FER: variants seen among roughly 807,000 people sequenced by gnomAD.
FER encodes the protein tyrosine-protein kinase Fer.
FER carries 63 observed loss-of-function variants against 111.0 expected under a neutral mutation model. The observed-to-expected ratio is 0.57, with a 90% CI of 0.46 to 0.70. The LOEUF (loss-of-function observed/expected upper bound fraction) is 0.70. FER is among the 30% of genes least tolerant of loss of function. The pLI is 0.00. For missense variants in FER, 914 were observed against 954.0 expected (o/e 0.96, Z 0.55); for synonymous variants, 327 against 313.9 (o/e 1.04, Z -0.44).
intron 2 of FER, among the ~76,000 whole-genome samples, chr5:108,796,411 T>A (rs1352742662): frequency 1.3e-5 from 2 of 152,224 alleles, no homozygotes; most frequent in African/African-American, 4.8e-5. Flanking sequence ...ACCTGAGCTT[T>A]ATAATCAGCA....
chr5:108,802,582 G>A (rs1338083474), intron 3 of FER, among the ~76,000 whole-genome samples: 2 of 151,288 alleles, frequency 1.3e-5, no homozygotes, highest in African/African-American at 4.9e-5. Context: ...ATGTTTAGCT[G>A]CCACTTATAA....
chr5:109,159,703 A>C (rs1755794117), intron 17 of FER, among the ~76,000 whole-genome samples: 1 of 152,176 alleles, frequency 6.6e-6, no homozygotes, highest in Non-Finnish European at 1.5e-5. Flanking sequence ...GATAGGTGCC[A>C]AAAGGAAGTA....
At chr5:108,907,544 C>T (rs1399197790) in intron 10 of FER, among the ~76,000 whole-genome samples, 4 of 151,794 alleles carry the variant, frequency 2.6e-5, no homozygotes, top group Admixed American at 6.6e-5. Context: ...CCACCCGCCT[C>T]GGCCTCCCAA....
intron 9 of FER, among the ~76,000 whole-genome samples, chr5:108,896,694 TATAA>T (rs1248428141): frequency 2.6e-5 from 4 of 152,202 alleles, no homozygotes; most frequent in African/African-American, 9.6e-5. Flanking sequence ...GCATCATATA[TATAA>T]ATAAATCTCT....
chr5:109,067,528 C>G (rs1581884143), intron 16 of FER, among the ~76,000 whole-genome samples: 1 of 151,486 alleles, frequency 6.6e-6, no homozygotes, highest in African/African-American at 2.4e-5. Context: ...CTGTTCTGCC[C>G]TCTTTATTTT....
intron 2 of FER, among the ~76,000 whole-genome samples, chr5:108,792,484 T>C (rs1258696691): frequency 1.3e-5 from 2 of 151,962 alleles, no homozygotes. Flanking sequence ...ATTACAGGCA[T>C]GCGCCACCAC....
chr5:108,783,428 C>A (rs1344177049), intron 2 of FER, among the ~76,000 whole-genome samples: 1 of 152,148 alleles, frequency 6.6e-6, no homozygotes, highest in Non-Finnish European at 1.5e-5. Context: ...CAGATAATTT[C>A]AACATCTGAT....
intron 16 of FER, among the ~76,000 whole-genome samples, chr5:109,090,618 T>A (rs1298669429): frequency 6.6e-6 from 1 of 151,912 alleles, no homozygotes; most frequent in African/African-American, 2.4e-5. Flanking sequence ...ATGAACAAAA[T>A]GAGAATACTC....
At chr5:108,829,185 A>T (rs1008572408) in intron 3 of FER, among the ~76,000 whole-genome samples, 1 of 152,158 alleles carries the variant, frequency 6.6e-6, no homozygotes, top group African/African-American at 2.4e-5. Context: ...ATATCATCCA[A>T]AGATCTTTTT....
intron 2 of FER, among the ~76,000 whole-genome samples, chr5:108,781,843 G>T (rs986563854): frequency 2.5e-4 from 38 of 152,144 alleles, no homozygotes; most frequent in Middle Eastern, 3.4e-3. Context: ...CTGAAGGAAA[G>T]ACCTTATTAA....
Position 109,047,213 on chromosome 5 carries a change from G to T in FER, c.1924+15G>T, listed in dbSNP as rs370315559. 73 of 1,464,098 alleles carry T rather than the reference G, an allele frequency of 5.0e-5. 1 individual carries two copies. In the African/African-American group the frequency reaches 7.2e-4, roughly 14 times the overall value. 90.7% of individuals were successfully genotyped at this position (1,464,098 alleles called of 1,614,324 possible). A position where few individuals can be genotyped will look rare whatever the true frequency, so the allele number is the denominator to read the frequency against. ...ACTGGTTTCAGGTAATGTGATCTGA[G>T]AATTTTTGCATGATGACATTTTAAT... is the stretch of plus-strand genomic sequence containing the variant. On this transcript the variant is annotated intron_variant, in intron 16 of 19. Transcript: ENST00000281092.
chr5:109,130,148 T>TA (rs1266468733), intron 17 of FER, among the ~76,000 whole-genome samples: 2 of 152,038 alleles, frequency 1.3e-5, no homozygotes, highest in African/African-American at 4.8e-5. Flanking sequence ...ATCCCATTTT[T>TA]AAAAAATGAT....
intron 13 of FER, among the ~76,000 whole-genome samples, chr5:109,024,141 A>T (rs1218342928): frequency 6.6e-6 from 1 of 152,170 alleles, no homozygotes; most frequent in Non-Finnish European, 1.5e-5. Flanking sequence ...TTCGCTCCAT[A>T]GCCTAGTCTC....
intron 3 of FER, among the ~76,000 whole-genome samples, chr5:108,802,142 T>C (rs1283140214): frequency 6.6e-6 from 1 of 152,162 alleles, no homozygotes; most frequent in South Asian, 2.1e-4. Context: ...ACTACTGAAC[T>C]TATTTTTTTT....
intron 17 of FER, among the ~76,000 whole-genome samples, chr5:109,142,492 T>G (rs912037285): frequency 6.6e-6 from 1 of 152,122 alleles, no homozygotes; most frequent in South Asian, 2.1e-4. Flanking sequence ...AAACTTATTT[T>G]TATAATTAAG....
chr5:109,142,823 G>A (rs972852793), intron 17 of FER, among the ~76,000 whole-genome samples: 1 of 152,130 alleles, frequency 6.6e-6, no homozygotes, highest in Admixed American at 6.6e-5. Context: ...TCCTTCTTCT[G>A]TGGAAGGTTG....
chr5:108,833,789 G>A (rs546431736), intron 4 of FER, among the ~76,000 whole-genome samples: 194 of 151,904 alleles, frequency 1.3e-3, no homozygotes, highest in Non-Finnish European at 2.0e-3. Context: ...CAGGAGAATG[G>A]CGTGAACCTG....
intron 13 of FER, among the ~76,000 whole-genome samples, chr5:108,993,796 T>C (rs906904171): frequency 2.6e-5 from 4 of 152,220 alleles, no homozygotes; most frequent in African/African-American, 4.8e-5. Context: ...GCATCTGTTG[T>C]GTCTTAACTT....
intron 2 of FER, among the ~76,000 whole-genome samples, chr5:108,771,249 TA>T (rs1752868286): frequency 6.6e-6 from 1 of 152,192 alleles, no homozygotes; most frequent in South Asian, 2.1e-4. Flanking sequence ...GAAGAATTTT[TA>T]AGATGTTTTC....
Sources: allele counts gnomAD v4.1 joint callset (sites outside exome capture counted in the v4.1 genomes callset), GRCh38; gene constraint gnomAD v4.1.1; transcripts MANE v1.5; gene names NCBI Gene and HGNC (gene_info 2026-07-23, HGNC 2026-07-21).